The following UST variants were observed in gnomAD, a reference collection of about 807,000 sequenced individuals.
UST encodes the protein chondroitin sulfate 2-O-sulfotransferase.
UST carries 21 observed loss-of-function variants against 45.6 expected under a neutral mutation model. That is an observed-to-expected ratio of 0.46 (90% confidence interval 0.33 to 0.66). UST has a LOEUF of 0.66. Among genes scored for constraint, UST ranks in the 30% least tolerant of loss-of-function variants. The pLI, the probability that UST is intolerant of heterozygous loss-of-function variation, is 0.02. For synonymous variants in UST, 215 were observed against 200.6 expected, an observed-to-expected ratio of 1.07 and a Z score of -0.61; for missense variants, 463 against 512.4, an observed-to-expected ratio of 0.90 and a Z score of 0.93.
intron 1 of UST, among the ~76,000 whole-genome samples, chr6:148,843,626 G>A (rs1482272001): frequency 6.6e-6 from 1 of 152,210 alleles, no homozygotes; most frequent in African/African-American, 2.4e-5. Context: ...GAAGTAATTT[G>A]CAGAAGCCAC....
chr6:149,019,074 G>A (rs1775944438), intron 5 of UST, 65 bp from the exon 6 acceptor site: 6 of 1,170,774 alleles, frequency 5.1e-6, no homozygotes, highest in South Asian at 2.5e-5. Context: ...TACTTAAACT[G>A]TGTGGCATTT....
chr6:148,954,008 T>C (rs963193790), intron 4 of UST, 57 bp downstream of exon 4: 11 of 1,389,144 alleles, frequency 7.9e-6, no homozygotes, highest in Non-Finnish European at 1.1e-5. Context: ...ACAGTTACTT[T>C]AGAAATCTAC....
chr6:148,967,753 C>T (rs1780830314), intron 5 of UST, among the ~76,000 whole-genome samples: 1 of 152,174 alleles, frequency 6.6e-6, no homozygotes, highest in Non-Finnish European at 1.5e-5. Context: ...TGCTGATTTA[C>T]CACGTCATTC....
chr6:148,774,839 T>C (rs1481560242), intron 1 of UST, among the ~76,000 whole-genome samples: 1 of 152,160 alleles, frequency 6.6e-6, no homozygotes, highest in Non-Finnish European at 1.5e-5. Flanking sequence ...ACCAACATGG[T>C]GAAACCCCGT....
intron 7 of UST, among the ~76,000 whole-genome samples, chr6:149,060,188 A>G (rs998759090): frequency 1.3e-5 from 2 of 152,196 alleles, no homozygotes; most frequent in African/African-American, 4.8e-5. Context: ...AGTGATCTCA[A>G]ATTATTTTTA....
At chr6:148,891,143 G>A (rs1321123444) in intron 2 of UST, among the ~76,000 whole-genome samples, 1 of 152,178 alleles carries the variant, frequency 6.6e-6, no homozygotes, top group Non-Finnish European at 1.5e-5. Flanking sequence ...TTTCTGGTAT[G>A]AGAGAAGATT....
intron 7 of UST, among the ~76,000 whole-genome samples, chr6:149,073,275 A>T (rs1776843906): frequency 6.6e-6 from 1 of 152,222 alleles, no homozygotes; most frequent in African/African-American, 2.4e-5. Context: ...TCTCTACAAA[A>T]AATAAAAATA....
At chr6:148,755,784 T>C (rs1397926499) in intron 1 of UST, among the ~76,000 whole-genome samples, 1 of 152,220 alleles carries the variant, frequency 6.6e-6, no homozygotes, top group Non-Finnish European at 1.5e-5. Flanking sequence ...TTACACATAA[T>C]TCACATTTCC....
chr6:148,788,352 T>C (rs1776774302), intron 1 of UST, among the ~76,000 whole-genome samples: 1 of 151,958 alleles, frequency 6.6e-6, no homozygotes. Flanking sequence ...AATATATATA[T>C]ATACACACAC....
chr6:148,754,904 TG>T (rs1304966810), intron 1 of UST, among the ~76,000 whole-genome samples: 1 of 152,206 alleles, frequency 6.6e-6, no homozygotes, highest in Non-Finnish European at 1.5e-5. Flanking sequence ...TAAAGAATCC[TG>T]GGGGTCTTGT....
chr6:148,992,770 A>G (rs1582948205), intron 5 of UST, among the ~76,000 whole-genome samples: 2 of 152,316 alleles, frequency 1.3e-5, no homozygotes, highest in African/African-American at 2.4e-5. Context: ...CAGGTCAGGA[A>G]ATACATTTTA....
At chr6:148,919,403 C>G (rs1779655560) in intron 2 of UST, among the ~76,000 whole-genome samples, 1 of 144,958 alleles carries the variant, frequency 6.9e-6, no homozygotes, top group South Asian at 2.2e-4. Flanking sequence ...CCATAGTGTG[C>G]TCAGTGTCAG....
intron 5 of UST, among the ~76,000 whole-genome samples, chr6:149,018,116 G>A (rs1775931299): frequency 6.6e-6 from 1 of 152,080 alleles, no homozygotes; most frequent in African/African-American, 2.4e-5. Flanking sequence ...TTACTTAATT[G>A]GCATATAAAC....
chr6:148,878,840 G>A (rs1778772566), intron 1 of UST, among the ~76,000 whole-genome samples: 1 of 151,716 alleles, frequency 6.6e-6, no homozygotes, highest in South Asian at 2.1e-4. Context: ...TATGAGTATG[G>A]GGATTATGTG....
chr6:149,011,367 A>G (rs1775808802), intron 5 of UST, among the ~76,000 whole-genome samples: 1 of 152,230 alleles, frequency 6.6e-6, no homozygotes, highest in Non-Finnish European at 1.5e-5. Flanking sequence ...GTACAAAAAC[A>G]TAGTTGGACA....
At chr6:148,893,194 T>C (rs1186825565) in intron 2 of UST, among the ~76,000 whole-genome samples, 2 of 152,216 alleles carry the variant, frequency 1.3e-5, no homozygotes, top group Non-Finnish European at 2.9e-5. Flanking sequence ...GCATATAAAG[T>C]ATTAGTATTC....
intron 7 of UST, among the ~76,000 whole-genome samples, chr6:149,043,430 A>G (rs1776355888): frequency 2.6e-5 from 4 of 152,258 alleles, no homozygotes; most frequent in Admixed American, 2.6e-4. Context: ...TTTATCAGAA[A>G]AAAATTTCAT....
In UST at chr6:149,072,163, A is replaced by G. The variant is rs1276898352; in HGVS notation, c.938-1670A>G. Among the ~76,000 whole-genome samples, 4 of 152,370 alleles carry G rather than the reference A, an allele frequency of 2.6e-5. No individual in the cohort carries two copies. The East Asian group carries it at 7.7e-4, about 29-fold the overall frequency. ...GGCAGTTCTTCAAAACATTAAACTT[A>G]GAATTACCGCATGACCCAGCAATTC... is the stretch of plus-strand genomic sequence containing the variant. On this transcript the variant is annotated intron_variant, in intron 7 of 7. Transcript: ENST00000367463.
intron 7 of UST, among the ~76,000 whole-genome samples, chr6:149,024,939 T>C (rs1402973222): frequency 6.6e-6 from 1 of 151,450 alleles, no homozygotes; most frequent in African/African-American, 2.4e-5. Flanking sequence ...GTCCTGTTAT[T>C]GAAAAACAAA....
Sources: gnomAD v4.1 joint callset for allele counts (sites outside exome capture counted in the v4.1 genomes callset) on GRCh38, gnomAD v4.1.1 for gene constraint, MANE v1.5 for transcripts, NCBI Gene and HGNC (gene_info 2026-07-23, HGNC 2026-07-21) for gene names.